The following CUX1 variants were observed in gnomAD, a reference collection of about 807,000 sequenced individuals.
The protein encoded by CUX1 is protein CASP.
CUX1 carries 31 observed loss-of-function variants against 158.8 expected under a neutral mutation model. That is an observed-to-expected ratio of 0.20 (90% CI 0.15 to 0.26). The LOEUF (loss-of-function observed/expected upper bound fraction) is 0.26. Ranked by LOEUF, CUX1 falls within the 10% of genes least tolerant of loss-of-function variation. The pLI, the probability that CUX1 is intolerant of heterozygous loss-of-function variation, is 1.00. For synonymous variants in CUX1, 879 were observed against 862.1 expected (o/e 1.02, Z -0.34); for missense variants, 1,589 against 2,014.6 (o/e 0.79, Z 4.04).
At chr7:102,003,327 CACACACA>C (rs1816933322) in intron 2 of CUX1, among the ~76,000 whole-genome samples, 1 of 151,562 alleles carries the variant, frequency 6.6e-6, no homozygotes, top group African/African-American at 2.4e-5. Context: ...CACACACACA[CACACACA>C]CGCCCGCCCC....
At chr7:101,847,392 G>T (rs1795810440) in intron 1 of CUX1, among the ~76,000 whole-genome samples, 1 of 152,146 alleles carries the variant, frequency 6.6e-6, no homozygotes, top group South Asian at 2.1e-4. Context: ...CAGCAGCCAT[G>T]CGTCCCACTG....
rs1343333490 is a variant in CUX1 at position 102,070,413 on chromosome 7, C to A, written c.264C>A (p.Val88=). ...FLNVYKRLID[V]PDPVPALDLG... ...ATGTCTACAAAAGATTGATTGACGT[C>A]CCAGGTAAGCCCCGGCAGTAATGGC... Residue 88 remains valine, a synonymous_variant, in exon 4 of 24, where the codon GTC becomes GTA. Transcript: ENST00000292535. The A allele has an allele frequency of 1.2e-6, 2 of 1,607,048 alleles. No individual in the cohort carries two copies. Among genetic ancestry groups the A allele is most frequent in the Admixed American group, 3.4e-5 (2 of 58,576 alleles).
intron 3 of CUX1, among the ~76,000 whole-genome samples, chr7:102,046,421 CAG>C (rs1822808676): frequency 1.3e-5 from 2 of 152,088 alleles, no homozygotes; most frequent in East Asian, 1.9e-4. Flanking sequence ...TTAGTAGAGA[CAG>C]GGTTTCGTCA....
intron 21 of CUX1, chr7:102,282,670 C>T: frequency 1.2e-6 from 2 of 1,603,556 alleles, no homozygotes; most frequent in Non-Finnish European, 1.7e-6. Flanking sequence ...CAGGGGTGGC[C>T]TTGAGGCGAA....
intron 1 of CUX1, among the ~76,000 whole-genome samples, chr7:101,897,219 C>T (rs1401201650): frequency 6.6e-6 from 1 of 152,226 alleles, no homozygotes; most frequent in East Asian, 1.9e-4. Context: ...CAGAGTTTTA[C>T]GTCATTTGCT....
intron 13 of CUX1, among the ~76,000 whole-genome samples, chr7:102,195,201 G>A (rs1017583654): frequency 1.5e-4 from 23 of 151,970 alleles, no homozygotes; most frequent in African/African-American, 5.6e-4. Context: ...ATGGCCAAAT[G>A]AGGCACGGGC....
At chr7:101,845,701 T>C (rs1177734413) in intron 1 of CUX1, among the ~76,000 whole-genome samples, 1 of 152,166 alleles carries the variant, frequency 6.6e-6, no homozygotes, top group Non-Finnish European at 1.5e-5. Context: ...GCAACAGTGG[T>C]ATCACCTGGG....
intron 10 of CUX1, among the ~76,000 whole-genome samples, chr7:102,176,627 G>C (rs1276060111): frequency 7.1e-6 from 1 of 140,816 alleles, no homozygotes; most frequent in Non-Finnish European, 1.5e-5. Flanking sequence ...CTGGAGGTCA[G>C]TGGTGCAATC....
Position 101,973,759 on chromosome 7 carries a change from T to A in CUX1, c.142-54339T>A, listed in dbSNP as rs112331318. Among the ~76,000 whole-genome samples, 8 of 151,046 alleles carry A rather than the reference T, an allele frequency of 5.3e-5. 1 individual carries two copies. The highest frequency in any genetic ancestry group is 1.9e-4 in the African/African-American group (8 of 41,176). On this transcript the variant is annotated intron_variant, in intron 2 of 23. Coordinates refer to ENST00000292535, the MANE Select transcript of CUX1 (RefSeq NM_181552.4). ...TCCACCTTGCCCCAGATTCTTTTTC[T>A]TTTTCTTTTTCTTTTTTTTTTTTTT... is the stretch of plus-strand genomic sequence containing the variant.
intron 1 of CUX1, among the ~76,000 whole-genome samples, chr7:101,914,368 T>TTCCCTCCCTCCCTCCCTCTTTCCC (rs1803897349): frequency 7.9e-6 from 1 of 126,528 alleles, no homozygotes; most frequent in Non-Finnish European, 1.6e-5. Context: ...CCTTCCTTCC[T>TTCCCTCCCTCCCTCCCTCTTTCCC]TCCCTCCCTC....
intron 1 of CUX1, among the ~76,000 whole-genome samples, chr7:101,910,536 G>A (rs537525258): frequency 6.6e-6 from 1 of 152,134 alleles, no homozygotes; most frequent in East Asian, 2.0e-4. Context: ...CGGGCAGATC[G>A]CTTGAGGCCA....
intron 4 of CUX1, among the ~76,000 whole-genome samples, chr7:102,074,766 G>A (rs1004122529): frequency 1.3e-5 from 2 of 152,202 alleles, no homozygotes; most frequent in Admixed American, 1.3e-4. Flanking sequence ...TGGCTGGTGG[G>A]CACCCACCTG....
In CUX1 at chr7:102,084,662, A is replaced by T. The variant is rs1030349019; in HGVS notation, c.269-12702A>T. ...CTGGTCTTGAACTCCTGACCTCGTG[A>T]TCTACCCGCCTTGGCCTCCCAAAGT... On this transcript the variant is annotated intron_variant, in intron 4 of 23. Coordinates refer to ENST00000292535, the MANE Select transcript of CUX1 (RefSeq NM_181552.4). Among the ~76,000 whole-genome samples the T allele has an allele frequency of 2.4e-5, 3 of 127,012 alleles. 1 individual carries two copies. Among genetic ancestry groups the T allele is most frequent in the Non-Finnish European group, 5.7e-5 (3 of 52,612 alleles). The allele number at this position is 127,012 out of a possible 152,430, so 83.3% of individuals were successfully genotyped here. A position where few individuals can be genotyped will look rare whatever the true frequency, so the allele number is the denominator to read the frequency against.
Position 102,249,415 on chromosome 7 carries a change from C to G in CUX1, c.*373C>G. 1.0e-6 allele frequency: 1 copy of G among 987,968 alleles called. No individual in the cohort carries two copies. The highest frequency in any genetic ancestry group is 1.2e-6 in the Non-Finnish European group (1 of 831,390). The allele number at this position is 987,968 out of a possible 1,614,324, so 61.2% of individuals were successfully genotyped here. On this transcript the variant is annotated 3_prime_UTR_variant, in exon 24 of 24. Transcript: ENST00000292535. ...TATAGAAAACAAAGGAGCATTAAGC[C>G]CAATCTATGTCGTGTTTTCAAGGAA... is the stretch of plus-strand genomic sequence containing the variant.
intron 2 of CUX1, among the ~76,000 whole-genome samples, chr7:101,936,553 C>A (rs901480679): frequency 5.9e-5 from 9 of 152,124 alleles, no homozygotes. Flanking sequence ...AAAAGGTTAT[C>A]CTTCAAGGGT....
intron 11 of CUX1, among the ~76,000 whole-genome samples, chr7:102,185,619 T>C (rs371339337): frequency 6.6e-6 from 1 of 151,828 alleles, no homozygotes; most frequent in African/African-American, 2.4e-5. Flanking sequence ...TTTTTTTTTT[T>C]GGTAGAGACG....
chr7:102,178,605 G>A lies in CUX1; in HGVS notation c.965G>A (p.Ser322Asn), dbSNP rs1792663406. The A allele has an allele frequency of 1.2e-5, 19 of 1,611,722 alleles. No individual in the cohort carries two copies. The highest frequency in any genetic ancestry group is 1.6e-5 in the Non-Finnish European group (19 of 1,178,954). Residue 322 changes from serine (S) to asparagine (N), a missense_variant, in exon 11 of 24, where the codon AGC becomes AAC. Ser to Asn is a conservative substitution (Grantham distance 46). Around this residue, in one of 8 missense-constraint regions of CUX1, gnomAD observed 515 missense variants for 574.4 expected, o/e 0.90. Transcript: ENST00000292535. ...SLTKLRENSA[S>N]QISQLEQQLS... ...ACCAAGCTGCGGGAGAATTCGGCCA[G>A]CCAGATCTCACAGCTTGAGCAGCAG...
rs1045269760 is a variant in CUX1, at chr7:102,228,393, G to T, written c.3433+724G>T. 3.9e-5 allele frequency among the ~76,000 whole-genome samples: 6 copies of T among 152,050 alleles called. No individual in the cohort carries two copies. The South Asian group carries it at 8.3e-4, about 21-fold the overall frequency. ...TTTAAAATTAGCTGGACATGTTGAT[G>T]TGCACCTGTAGTCCCAGCTACTCAG... On this transcript the variant is annotated intron_variant, in intron 21 of 23. Coordinates refer to ENST00000292535, the MANE Select transcript of CUX1 (RefSeq NM_181552.4).
At chr7:101,886,574 G>C (rs1171069744) in intron 1 of CUX1, among the ~76,000 whole-genome samples, 1 of 152,156 alleles carries the variant, frequency 6.6e-6, no homozygotes, top group African/African-American at 2.4e-5. Flanking sequence ...CCACCAACAC[G>C]ATACCCGTGG....
Sources: allele counts gnomAD v4.1 joint callset (sites outside exome capture counted in the v4.1 genomes callset), GRCh38; gene constraint gnomAD v4.1.1; regional missense constraint gnomAD v4.1.1; transcripts MANE v1.5; gene names NCBI Gene and HGNC (gene_info 2026-07-23, HGNC 2026-07-21).